Variants in SPECC1L observed in about 807,000 individuals in gnomAD.
The protein encoded by SPECC1L is sperm antigen with calponin homology and coiled-coil domains 1 like, also known as cytospin-A.
A neutral mutation model predicts 116.8 loss-of-function variants in SPECC1L; 40 were observed. That is an observed-to-expected ratio of 0.34 (90% confidence interval 0.27 to 0.45). SPECC1L has a LOEUF of 0.45. Ranked by LOEUF, SPECC1L falls within the 20% of genes least tolerant of loss-of-function variation. SPECC1L has a pLI of 1.00. For missense variants in SPECC1L, 1,110 were observed against 1,373.6 expected (o/e 0.81, Z 3.03); for synonymous variants, 504 against 500.6 (o/e 1.01, Z -0.09).
rs2042795283 is a variant in SPECC1L, at chr22:24,416,068, C to T, written c.*1445C>T. On this transcript the variant is annotated 3_prime_UTR_variant, in exon 17 of 17. Coordinates refer to ENST00000314328, the MANE Select transcript of SPECC1L (RefSeq NM_015330.6). Reference sequence around the variant, plus strand: ...CACAGACTGGATGCAATGAGGGGCTCACAGGAGGCCCAGCCAGCCCGATTG... The same window carrying T: ...CACAGACTGGATGCAATGAGGGGCTTACAGGAGGCCCAGCCAGCCCGATTG... 6.6e-6 allele frequency: 1 copy of T among 152,220 alleles called. No homozygotes were observed. The highest frequency in any genetic ancestry group is 1.5e-5 in the Non-Finnish European group (1 of 68,038). 9.4% of individuals were successfully genotyped at this position (152,220 alleles called of 1,614,324 possible). A position where few individuals can be genotyped will look rare whatever the true frequency, so the allele number is the denominator to read the frequency against.
rs369151197 is a variant in SPECC1L at position 24,369,655 on chromosome 22, G to A, written c.3087+335G>A. 3.9e-4 allele frequency among the ~76,000 whole-genome samples: 60 copies of A among 152,266 alleles called. 1 individual carries two copies. The South Asian group carries it at 9.5e-3, about 24-fold the overall frequency. On this transcript the variant is annotated intron_variant, in intron 14 of 16. Coordinates refer to ENST00000314328, the MANE Select transcript of SPECC1L (RefSeq NM_015330.6). ...CAGAGGCTGCTGTGAGCTGATAAAA[G>A]AAGAAATGATGAGTCCTATACAAAA...
At chr22:24,376,547 T>C (rs914042737) in intron 14 of SPECC1L, among the ~76,000 whole-genome samples, 1 of 152,164 alleles carries the variant, frequency 6.6e-6, no homozygotes, top group African/African-American at 2.4e-5. Flanking sequence ...TACAAAACAT[T>C]GCTGAAAGAA....
In SPECC1L at chr22:24,414,634, A is replaced by G. The variant is rs1284538254; in HGVS notation, c.*11A>G. On this transcript the variant is annotated 3_prime_UTR_variant, in exon 17 of 17. Coordinates refer to ENST00000314328, the MANE Select transcript of SPECC1L (RefSeq NM_015330.6). ...TACTTTGAGACCTGAGCATGCCGGGAGGAGCCGCCCCAATAGCGGGGGTAC... is the reference window on the plus strand; with the variant it reads ...TACTTTGAGACCTGAGCATGCCGGGGGGAGCCGCCCCAATAGCGGGGGTAC... 6.2e-7 allele frequency: 1 copy of G among 1,612,946 alleles called. No individual in the cohort carries two copies. Among genetic ancestry groups the G allele is most frequent in the South Asian group, 1.1e-5 (1 of 91,048 alleles).
At position 24,321,470 on chromosome 22, in the gene SPECC1L, G is replaced by A. The variant is rs200866362; in HGVS notation, c.490G>A (p.Val164Ile). Residue 164 changes from valine (V) to isoleucine (I), a missense_variant, in exon 5 of 17, where the codon GTT (valine) becomes ATT (isoleucine). Coordinates refer to ENST00000314328, the MANE Select transcript of SPECC1L (RefSeq NM_015330.6). ...SRSRTATECD[V>I]RMSKSKSDNQ... is the part of the protein sequence containing the mutation. ...CAGTCGAACTGCTACAGAATGTGACGTTCGTATGAGCAAGTCTAAGTCAGA... is the reference window on the plus strand; with the variant it reads ...CAGTCGAACTGCTACAGAATGTGACATTCGTATGAGCAAGTCTAAGTCAGA... The A allele has an allele frequency of 5.0e-6, 8 of 1,614,248 alleles. No homozygotes were observed. Among genetic ancestry groups the A allele is most frequent in the South Asian group, 4.4e-5 (4 of 91,088 alleles).
chr22:24,392,345 C>T (rs1053350671), intron 14 of SPECC1L, among the ~76,000 whole-genome samples: 1 of 152,248 alleles, frequency 6.6e-6, no homozygotes, highest in African/African-American at 2.4e-5. Context: ...ATAACAGGCA[C>T]AGTTCTTGAC....
chr22:24,290,246 G>A (rs540215321), intron 2 of SPECC1L, among the ~76,000 whole-genome samples: 2 of 152,304 alleles, frequency 1.3e-5, no homozygotes, highest in South Asian at 2.1e-4. Flanking sequence ...TTTTCCTTCC[G>A]TGGCCATGAG....
At chr22:24,410,919 T>G (rs1171573172) in intron 14 of SPECC1L, among the ~76,000 whole-genome samples, 1 of 152,190 alleles carries the variant, frequency 6.6e-6, no homozygotes, top group African/African-American at 2.4e-5. Context: ...CCAGGTGCGG[T>G]GGCTCACACC....
At position 24,327,277 on chromosome 22, in the gene SPECC1L, CAAAA is replaced by C. The variant is rs58725731; in HGVS notation, c.2147-1547_2147-1544del. ...TGGGCAACAGATTGAGACTCCGTCT[CAAAA>C]AAAAAAAAAAAAAAAAAAAAACATC... On this transcript the variant is annotated intron_variant, in intron 6 of 16. Transcript: ENST00000314328. 4.6e-3 allele frequency among the ~76,000 whole-genome samples: 192 copies of C among 41,950 alleles called. 1 individual carries two copies. Among genetic ancestry groups the C allele is most frequent in the African/African-American group, 0.013 (176 of 13,308 alleles). 27.5% of individuals were successfully genotyped at this position (41,950 alleles called of 152,430 possible).
chr22:24,292,758 G>A (rs1420168506), intron 2 of SPECC1L, among the ~76,000 whole-genome samples: 1 of 152,156 alleles, frequency 6.6e-6, no homozygotes, highest in Admixed American at 6.5e-5. Flanking sequence ...TCGTAGAGAT[G>A]CCTTAGAGTC....
At chr22:24,313,769 G>A (rs1270190826) in intron 4 of SPECC1L, among the ~76,000 whole-genome samples, 1 of 144,790 alleles carries the variant, frequency 6.9e-6, no homozygotes, top group African/African-American at 2.6e-5. Flanking sequence ...TTGAGACAGA[G>A]TCTTAGTCAC....
chr22:24,344,503 C>A (rs939957106), intron 10 of SPECC1L, among the ~76,000 whole-genome samples: 1 of 151,112 alleles, frequency 6.6e-6, no homozygotes, highest in African/African-American at 2.4e-5. Flanking sequence ...GCTTTCCCAC[C>A]AGGATCAGGA....
At chr22:24,361,406 T>TA (rs1354212081) in intron 11 of SPECC1L, among the ~76,000 whole-genome samples, 1 of 151,318 alleles carries the variant, frequency 6.6e-6, no homozygotes. Context: ...AATAAATAAA[T>TA]AAAAAATAAA....
chr22:24,387,171 G>A (rs1170306329), intron 14 of SPECC1L, among the ~76,000 whole-genome samples: 1 of 152,166 alleles, frequency 6.6e-6, no homozygotes, highest in Non-Finnish European at 1.5e-5. Flanking sequence ...TCATTAAGAC[G>A]TAAATGGATA....
At chr22:24,305,223 G>A (rs1369103409) in intron 3 of SPECC1L, among the ~76,000 whole-genome samples, 1 of 152,162 alleles carries the variant, frequency 6.6e-6, no homozygotes, top group Non-Finnish European at 1.5e-5. Flanking sequence ...CACAGGTGTT[G>A]AGTTTAGTGA....
At chr22:24,304,471 A>G (rs2049449441) in intron 3 of SPECC1L, 1 of 152,242 alleles carries the variant, frequency 6.6e-6, no homozygotes, top group African/African-American at 2.4e-5. Context: ...TGGAGACATT[A>G]TTCCCACTTC....
chr22:24,282,377 A>G (rs557678977), intron 2 of SPECC1L, among the ~76,000 whole-genome samples: 11 of 152,344 alleles, frequency 7.2e-5, no homozygotes, highest in Non-Finnish European at 4.4e-5. Context: ...TAAACTATAA[A>G]CTATAAGTTT....
chr22:24,377,714 TATCATC>T (rs1693536561), intron 14 of SPECC1L, among the ~76,000 whole-genome samples: 1 of 152,208 alleles, frequency 6.6e-6, no homozygotes, highest in Admixed American at 6.6e-5. Context: ...AATCTCCTCG[TATCATC>T]ATTAGAGCTC....
intron 14 of SPECC1L, among the ~76,000 whole-genome samples, chr22:24,386,748 C>T (rs748431583): frequency 4.6e-5 from 7 of 152,094 alleles, no homozygotes; most frequent in East Asian, 1.9e-4. Context: ...GGACTACAGG[C>T]GCCCGCCACC....
chr22:24,322,359 G>A lies in SPECC1L; in HGVS notation c.1379G>A (p.Ser460Asn), dbSNP rs1425597415. 3 of 1,614,228 alleles carry A rather than the reference G, an allele frequency of 1.9e-6. No homozygotes were observed. In the South Asian group the frequency reaches 3.3e-5, roughly 18 times the overall value. ...CQQSDKLEHF[S>N]RQIEYFRSLL... Reference sequence around the variant, plus strand: ...CAGAGCGATAAGTTGGAACACTTTAGTCGACAGATTGAATACTTCCGCTCT... The same window carrying A: ...CAGAGCGATAAGTTGGAACACTTTAATCGACAGATTGAATACTTCCGCTCT... Residue 460 changes from serine (S) to asparagine (N), a missense_variant, in exon 5 of 17, where the codon AGT becomes AAT. This residue lies in a region of SPECC1L where 575 missense variants were observed against 682.4 expected (regional missense o/e 0.84). Transcript: ENST00000314328.
Sources: gnomAD v4.1 joint callset for allele counts (sites outside exome capture counted in the v4.1 genomes callset) on GRCh38, gnomAD v4.1.1 for gene constraint, gnomAD v4.1.1 regional missense constraint, MANE v1.5 for transcripts, NCBI Gene and HGNC (gene_info 2026-07-23, HGNC 2026-07-21) for gene names.